The following TRPA1 variants were observed in gnomAD, a reference collection of about 807,000 sequenced individuals.
TRPA1 encodes ankyrin-like with transmembrane domains 1.
In TRPA1, 129 loss-of-function variants were observed where a neutral mutation model predicts 131.3. That is an observed-to-expected ratio of 0.98 (90% CI 0.85 to 1.14). The LOEUF is 1.14. Among genes scored for constraint, TRPA1 ranks in the 50% most tolerant of loss-of-function variants. The probability of loss-of-function intolerance (pLI) is 0.00; values close to 1 mark genes in which losing one functional copy is unlikely to be tolerated. For missense variants in TRPA1, 1,304 were observed against 1,354.2 expected, an observed-to-expected ratio of 0.96 and a Z score of 0.58; for synonymous variants, 441 against 451.7, an observed-to-expected ratio of 0.98 and a Z score of 0.30.
chr8:72,054,638 C>T (rs1805614860), intron 12 of TRPA1: 2 of 152,272 alleles, frequency 1.3e-5, no homozygotes, highest in South Asian at 4.1e-4. Flanking sequence ...ACTTCGGTCC[C>T]CTTTGCAGGT....
intron 7 of TRPA1, 74 bp from the exon 8 acceptor site, chr8:72,059,512 T>A: frequency 1.1e-6 from 1 of 920,928 alleles, no homozygotes; most frequent in Non-Finnish European, 1.7e-6. Flanking sequence ...ATAAAGCTAC[T>A]ATATTCGGAA....
chr8:72,075,517 A>G lies in TRPA1; in HGVS notation c.-108T>C. The G allele has an allele frequency of 2.2e-6, 2 of 899,002 alleles. No individual in the cohort carries two copies. Among genetic ancestry groups the G allele is most frequent in the Non-Finnish European group, 3.6e-6 (2 of 550,494 alleles). 55.7% of individuals were successfully genotyped at this position (899,002 alleles called of 1,614,324 possible). ...AGGCGCTGGGGTCCGCGCGAGCCCG[A>G]GCTCTCCCGCGCTGCAGCTCACAGG... On this transcript the variant is annotated 5_prime_UTR_variant, in exon 1 of 27. Coordinates refer to ENST00000262209, the MANE Select transcript of TRPA1 (RefSeq NM_007332.3).
chr8:72,068,980 T>C, intron 3 of TRPA1, 43 bp downstream of exon 3: 1 of 1,611,126 alleles, frequency 6.2e-7, no homozygotes, highest in African/African-American at 1.3e-5. Flanking sequence ...TCCCAGCACC[T>C]GCACCGCCGG....
the TRPA1 span, among the ~76,000 whole-genome samples, chr8:72,085,129 A>T: frequency 0.88 from 134,700 of 152,252 alleles, 59,770 homozygotes; most frequent in African/African-American, 0.94. Flanking sequence ...AAACTTTTTC[A>T]TGTTAGTTTG....
chr8:72,071,943 A>G, intron 1 of TRPA1, 76 bp from the exon 2 acceptor site: 1 of 1,342,942 alleles, frequency 7.4e-7, no homozygotes, highest in Non-Finnish European at 1.1e-6. Flanking sequence ...ATAGCCTGAA[A>G]GAACTTATTA....
In TRPA1 at chr8:72,022,747, A is replaced by C. The variant is rs969150755; in HGVS notation, c.*159T>G. The C allele has an allele frequency of 4.2e-6, 3 of 715,428 alleles. No homozygotes were observed. The highest frequency in any genetic ancestry group is 3.6e-5 in the African/African-American group (2 of 55,896). 44.3% of individuals were successfully genotyped at this position (715,428 alleles called of 1,614,324 possible). The stretch of plus-strand genomic sequence containing the variant: ...AGTGATTGGTAGAAAATATGAATAG[A>C]GGATAAAAGATGGTTTACTTTTATA... On this transcript the variant is annotated 3_prime_UTR_variant, in exon 27 of 27. Transcript: ENST00000262209.
At chr8:72,047,105 A>G in intron 16 of TRPA1, 43 bp downstream of exon 16, 1 of 1,407,740 alleles carries the variant, frequency 7.1e-7, no homozygotes, top group Non-Finnish European at 1.0e-6. Flanking sequence ...TCAAAGAATT[A>G]TAACAAAATA....
upstream of TRPA1, among the ~76,000 whole-genome samples, chr8:72,078,740 T>G (rs949509200): frequency 6.6e-6 from 1 of 152,088 alleles, no homozygotes; most frequent in Admixed American, 6.5e-5. Context: ...TCTGTGGACA[T>G]ACATTTTTAT....
chr8:72,046,693 C>A, intron 16 of TRPA1, 85 bp from the exon 17 acceptor site: 1 of 690,888 alleles, frequency 1.4e-6, no homozygotes, highest in Non-Finnish European at 2.5e-6. Context: ...AAATCAAATA[C>A]ACAAATTTAC....
At chr8:72,075,728 C>T (rs1457365272), upstream of TRPA1, 4 of 414,208 alleles carry the variant, frequency 9.7e-6, no homozygotes, top group Non-Finnish European at 1.4e-5. Context: ...CAAAGTGACT[C>T]GCCCGTCCCG....
rs1232547693 is a variant in TRPA1, at chr8:72,021,897, T to C, written c.*1009A>G. On this transcript the variant is annotated 3_prime_UTR_variant, in exon 27 of 27. Coordinates refer to ENST00000262209, the MANE Select transcript of TRPA1 (RefSeq NM_007332.3). ...AACAGAAATAGAAGCTATAGCATAA[T>C]AACATCTGTGTAAATAATAACAGAC... The C allele has an allele frequency of 1.3e-5, 2 of 152,128 alleles. No homozygotes were observed. The highest frequency in any genetic ancestry group is 2.9e-5 in the Non-Finnish European group (2 of 68,010). 9.4% of individuals were successfully genotyped at this position (152,128 alleles called of 1,614,324 possible).
At position 72,034,386 on chromosome 8, in the gene TRPA1, G is replaced by GT; in HGVS notation, c.2556-10dup. ...TTCCACAATTTTCAAATCTAGAAAAGTAAAAAAAAAAAAATTTACTCACTT... is the reference window on the plus strand; with the variant it reads ...TTCCACAATTTTCAAATCTAGAAAAGTTAAAAAAAAAAAAATTTACTCACTT... On this transcript the variant is annotated splice_polypyrimidine_tract_variant and intron_variant, in intron 21 of 26. Coordinates refer to ENST00000262209, the MANE Select transcript of TRPA1 (RefSeq NM_007332.3). 1 of 1,418,572 alleles carries GT rather than the reference G, an allele frequency of 7.0e-7. No homozygotes were observed. Among genetic ancestry groups the GT allele is most frequent in the Non-Finnish European group, 9.7e-7 (1 of 1,035,822 alleles). The allele number at this position is 1,418,572 out of a possible 1,614,324, so 87.9% of individuals were successfully genotyped here. A position where few individuals can be genotyped will look rare whatever the true frequency, so the allele number is the denominator to read the frequency against.
rs1021786192 is a variant in TRPA1, at chr8:72,069,769, A to G, written c.269-571T>C. Reference sequence around the variant, plus strand: ...AAAATTAAAAAAAAAACATATATTCATATACCTACACACACACACAGGGAG... The same window carrying G: ...AAAATTAAAAAAAAAACATATATTCGTATACCTACACACACACACAGGGAG... On this transcript the variant is annotated intron_variant, in intron 2 of 26. Transcript: ENST00000262209. Among the ~76,000 whole-genome samples the G allele has an allele frequency of 4.6e-5, 7 of 152,182 alleles. No individual in the cohort carries two copies. The South Asian group carries it at 8.3e-4, about 18-fold the overall frequency.
At chr8:72,087,264 C>A in the TRPA1 span, among the ~76,000 whole-genome samples, 4 of 152,150 alleles carry the variant, frequency 2.6e-5, no homozygotes, top group Admixed American at 6.5e-5. Flanking sequence ...GAGATTCATG[C>A]CCTCTGTTGA....
intron 3 of TRPA1, among the ~76,000 whole-genome samples, chr8:72,065,802 T>C: frequency 6.6e-6 from 1 of 152,232 alleles, no homozygotes. Context: ...TCTGGAATTA[T>C]AAATAAAATA....
upstream of TRPA1, among the ~76,000 whole-genome samples, chr8:72,079,581 A>G (rs1469215799): frequency 1.3e-5 from 2 of 152,008 alleles, no homozygotes; most frequent in East Asian, 3.8e-4. Context: ...ATTTAAGCCA[A>G]TACCACATGG....
At chr8:72,059,655 T>C (rs1203489104) in intron 7 of TRPA1, among the ~76,000 whole-genome samples, 2 of 152,194 alleles carry the variant, frequency 1.3e-5, no homozygotes, top group Non-Finnish European at 2.9e-5. Flanking sequence ...AAATACATCA[T>C]ATTTTCTTCC....
At chr8:72,080,456 G>A (rs76256339), upstream of TRPA1, among the ~76,000 whole-genome samples, 6 of 151,420 alleles carry the variant, frequency 4.0e-5, no homozygotes, top group Admixed American at 3.3e-4. Flanking sequence ...CTTTTCATAT[G>A]TTACTGGATT....
chr8:72,030,332 G>A (rs912364209), intron 23 of TRPA1, among the ~76,000 whole-genome samples: 5 of 152,060 alleles, frequency 3.3e-5, no homozygotes, highest in African/African-American at 1.2e-4. Context: ...ACCTTCTAAT[G>A]CCATCTTCTT....
Sources: gnomAD v4.1 joint callset for allele counts (sites outside exome capture counted in the v4.1 genomes callset) on GRCh38, gnomAD v4.1.1 for gene constraint, MANE v1.5 for transcripts, NCBI Gene and HGNC (gene_info 2026-07-23, HGNC 2026-07-21) for gene names.